PARN: variants seen among roughly 807,000 people sequenced by gnomAD.
The protein encoded by PARN is poly(A)-specific ribonuclease PARN.
PARN carries 71 observed loss-of-function variants against 102.8 expected under a neutral mutation model. The observed-to-expected ratio is 0.69, with a 90% CI of 0.57 to 0.84. The LOEUF (loss-of-function observed/expected upper bound fraction) is 0.84, where lower values mean the gene tolerates loss of function less well. Among genes scored for constraint, PARN ranks in the 40% least tolerant of loss-of-function variants. The probability of loss-of-function intolerance (pLI) is 0.00; values close to 1 mark genes in which losing one functional copy is unlikely to be tolerated. For synonymous variants in PARN, 261 were observed against 252.9 expected, an observed-to-expected ratio of 1.03 and a Z score of -0.30; for missense variants, 782 against 760.9, an observed-to-expected ratio of 1.03 and a Z score of -0.33.
In PARN at chr16:14,608,339, G is replaced by A; in HGVS notation, c.621-20C>T. 1 of 1,492,840 alleles carries A rather than the reference G, an allele frequency of 6.7e-7. No individual in the cohort carries two copies. Among genetic ancestry groups the A allele is most frequent in the Non-Finnish European group, 9.1e-7 (1 of 1,100,126 alleles). The allele number at this position is 1,492,840 out of a possible 1,614,324, so 92.5% of individuals were successfully genotyped here. On this transcript the variant is annotated intron_variant, in intron 8 of 23. Coordinates refer to ENST00000437198, the MANE Select transcript of PARN (RefSeq NM_002582.4). ...TGGAACCTATAAAAACAAAAGAAAAGGTATTGATTTTGGCTCATTAGAAGT... is the reference window on the plus strand; with the variant it reads ...TGGAACCTATAAAAACAAAAGAAAAAGTATTGATTTTGGCTCATTAGAAGT...
At chr16:14,449,050 A>G (rs1447076327) in intron 22 of PARN, among the ~76,000 whole-genome samples, 1 of 152,314 alleles carries the variant, frequency 6.6e-6, no homozygotes, top group South Asian at 2.1e-4. Flanking sequence ...GTACAAGAAG[A>G]TAATAAGGGT....
At chr16:14,593,275 T>G in intron 13 of PARN, 26 bp downstream of exon 13, 1 of 1,281,496 alleles carries the variant, frequency 7.8e-7, no homozygotes, top group Non-Finnish European at 1.1e-6. Context: ...CTGCTAATAT[T>G]AAACACAGAC....
intron 22 of PARN, among the ~76,000 whole-genome samples, chr16:14,463,708 G>A (rs1474197778): frequency 6.6e-6 from 1 of 151,930 alleles, no homozygotes; most frequent in African/African-American, 2.4e-5. Flanking sequence ...GAGCATCTGT[G>A]ACCTAGAGGA....
chr16:14,572,180 G>T (rs1466497517), intron 18 of PARN, among the ~76,000 whole-genome samples: 1 of 152,148 alleles, frequency 6.6e-6, no homozygotes, highest in Non-Finnish European at 1.5e-5. Flanking sequence ...CAGGTGATCA[G>T]GCAGCACCCT....
intron 15 of PARN, among the ~76,000 whole-genome samples, 161 bp from the exon 16 acceptor site, chr16:14,584,583 A>T (rs1232256438): frequency 6.6e-6 from 1 of 152,208 alleles, no homozygotes; most frequent in East Asian, 1.9e-4. Context: ...GTGAAAGAGA[A>T]GCAGCTAGTT....
chr16:14,494,192 A>G (rs1002853259), intron 21 of PARN, among the ~76,000 whole-genome samples: 1 of 152,200 alleles, frequency 6.6e-6, no homozygotes, highest in Non-Finnish European at 1.5e-5. Flanking sequence ...CCAGTCTCTC[A>G]TGGACATTAA....
At chr16:14,626,105 T>C (rs944240261) in intron 5 of PARN, among the ~76,000 whole-genome samples, 3 of 152,114 alleles carry the variant, frequency 2.0e-5, no homozygotes, top group African/African-American at 7.2e-5. Context: ...AGAGAAACAG[T>C]AGTTTTTTTT....
rs528847015 is a variant in PARN, at chr16:14,446,979, A to C, written c.1773T>G (p.Leu591=). 2.7e-5 allele frequency: 43 copies of C among 1,613,774 alleles called. No homozygotes were observed. In the South Asian group the frequency reaches 4.6e-4, roughly 17 times the overall value. The change falls in exon 23 of 24, where the codon CTT becomes CTG. Residue 591 remains leucine (L), a synonymous_variant. Coordinates refer to ENST00000437198, the MANE Select transcript of PARN (RefSeq NM_002582.4). ...GCTCTGCACAGGAATCGGTCTGCTC[A>C]AGCTCAGTGTCGGAAATCTCCCCTG... is the stretch of plus-strand genomic sequence containing the variant. The part of the protein sequence containing the change: ...GVSGEISDTE[L]EQTDSCAEPL...
chr16:14,510,471 A>AC (rs1489058122), intron 21 of PARN, among the ~76,000 whole-genome samples: 1 of 152,198 alleles, frequency 6.6e-6, no homozygotes, highest in Non-Finnish European at 1.5e-5. Context: ...CCTACACTGA[A>AC]CCACAAATTA....
At chr16:14,572,130 G>A (rs1335544051) in intron 18 of PARN, among the ~76,000 whole-genome samples, 3 of 152,184 alleles carry the variant, frequency 2.0e-5, no homozygotes, top group Admixed American at 2.0e-4. Context: ...ATGAGGGAGG[G>A]ACAGGCTGGA....
intron 21 of PARN, among the ~76,000 whole-genome samples, chr16:14,484,849 A>T (rs1963571621): frequency 1.3e-5 from 2 of 152,160 alleles, no homozygotes; most frequent in Admixed American, 6.5e-5. Context: ...GAAAACACAA[A>T]TTTTTACTAA....
chr16:14,565,987 T>G (rs747730445), intron 18 of PARN, among the ~76,000 whole-genome samples: 4 of 152,158 alleles, frequency 2.6e-5, no homozygotes, highest in Admixed American at 6.5e-5. Flanking sequence ...ACACTGCAAA[T>G]TAAATGCTAA....
At chr16:14,535,666 G>A (rs537120716) in intron 21 of PARN, among the ~76,000 whole-genome samples, 1 of 152,292 alleles carries the variant, frequency 6.6e-6, no homozygotes, top group Admixed American at 6.5e-5. Context: ...TCCTACAGTA[G>A]AGTATGATAA....
chr16:14,495,997 G>A lies in PARN; in HGVS notation c.1481-13170C>T, dbSNP rs115596392. Reference sequence around the variant, plus strand: ...GAAGAGCAGAAGAGGCCATGGAGCTGGTACCTGATAAGGTCCCTGCCAGAG... The same window carrying A: ...GAAGAGCAGAAGAGGCCATGGAGCTAGTACCTGATAAGGTCCCTGCCAGAG... On this transcript the variant is annotated intron_variant, in intron 21 of 23. Transcript: ENST00000437198. Among the ~76,000 whole-genome samples, 536 of 152,312 alleles carry A rather than the reference G, an allele frequency of 3.5e-3. 2 individuals carry two copies. Among genetic ancestry groups the A allele is most frequent in the African/African-American group, 0.013 (520 of 41,554 alleles).
intron 21 of PARN, among the ~76,000 whole-genome samples, chr16:14,508,156 T>C (rs1964991268): frequency 6.6e-6 from 1 of 150,884 alleles, no homozygotes; most frequent in African/African-American, 2.4e-5. Flanking sequence ...GGCAGGTCAA[T>C]AGACAAATAA....
chr16:14,608,218 T>G, intron 9 of PARN, 63 bp downstream of exon 9: 1 of 1,146,376 alleles, frequency 8.7e-7, no homozygotes, highest in Non-Finnish European at 1.3e-6. Context: ...AACTAAGAGA[T>G]TATATTTAGT....
intron 12 of PARN, 40 bp from the exon 13 acceptor site, chr16:14,593,418 G>A (rs767984663): frequency 2.1e-5 from 16 of 775,808 alleles, no homozygotes; most frequent in Non-Finnish European, 3.3e-5. Context: ...TTCTACATTC[G>A]AAATTATACT....
intron 5 of PARN, among the ~76,000 whole-genome samples, chr16:14,624,062 T>A (rs1972488398): frequency 6.6e-6 from 1 of 152,192 alleles, no homozygotes; most frequent in African/African-American, 2.4e-5. Flanking sequence ...TGGGTGTGAG[T>A]GTGGTTCTGT....
At chr16:14,618,656 C>CA (rs1181174251) in intron 5 of PARN, among the ~76,000 whole-genome samples, 2,062 of 88,306 alleles carry the variant, frequency 0.023, 34 homozygotes, top group African/African-American at 0.063. Flanking sequence ...AAGACTGTCT[C>CA]AAAAAAAAAA....
Sources: allele counts gnomAD v4.1 joint callset (sites outside exome capture counted in the v4.1 genomes callset), GRCh38; gene constraint gnomAD v4.1.1; transcripts MANE v1.5; gene names NCBI Gene and HGNC (gene_info 2026-07-23, HGNC 2026-07-21).